CLCN5: variants seen among roughly 807,000 people sequenced by gnomAD.
CLCN5 encodes the protein H(+)/Cl(-) exchange transporter 5.
Under a neutral mutation model 54.0 loss-of-function variants are expected in CLCN5, and 17 were observed. The ratio of observed to expected loss-of-function variants is 0.31; its 90% CI spans 0.22 to 0.47. The LOEUF (loss-of-function observed/expected upper bound fraction) is 0.47, where lower values mean the gene tolerates loss of function less well. Among genes scored for constraint, CLCN5 ranks in the 20% least tolerant of loss-of-function variants. The probability of loss-of-function intolerance (pLI) is 1.00; values close to 1 mark genes in which losing one functional copy is unlikely to be tolerated. For missense variants in CLCN5, 448 were observed against 646.7 expected (o/e 0.69, Z 3.33); for synonymous variants, 222 against 233.0 (o/e 0.95, Z 0.43).
At position 50,081,823 on chromosome X, in the gene CLCN5, G is replaced by A. The variant is rs781910933; in HGVS notation, c.909G>A (p.Arg303=). The stretch of plus-strand genomic sequence containing the variant: ...TGTGCCACTGCTTCAACAAATACAG[G>A]AAGAATGAAGCCAAGCGCAGAGAGG... ...NILCHCFNKY[R]KNEAKRREVL... The change falls in exon 9 of 15, where the codon AGG becomes AGA. Residue 303 remains arginine, a synonymous_variant. Coordinates refer to ENST00000376091, the MANE Select transcript of CLCN5 (RefSeq NM_001127898.4). The A allele has an allele frequency of 5.0e-6, 6 of 1,210,534 alleles. No homozygotes were observed. The Admixed American group carries it at 1.1e-4, about 22-fold the overall frequency.
chrX:49,978,193 G>A (rs947607397), intron 3 of CLCN5, among the ~76,000 whole-genome samples: 1 of 111,661 alleles, frequency 9.0e-6, no homozygotes, highest in African/African-American at 3.3e-5. Context: ...GTCTCACAGG[G>A]CTGGGCACTT....
chrX:50,087,001 C>G (rs782633752), intron 11 of CLCN5, 131 bp downstream of exon 11: 3 of 612,066 alleles, frequency 4.9e-6, no homozygotes, highest in Non-Finnish European at 2.6e-6. Flanking sequence ...TCCCCCACCC[C>G]CAAAGCCTCT....
intron 3 of CLCN5, among the ~76,000 whole-genome samples, chrX:50,042,029 T>C (rs781802115): frequency 2.7e-4 from 30 of 112,197 alleles, no homozygotes; most frequent in Non-Finnish European, 4.3e-4. Context: ...TCACATATTG[T>C]GTGATTTCAT....
At position 50,092,453 on chromosome X, in the gene CLCN5, GAATA is replaced by G; in HGVS notation, c.*240_*243del. The stretch of plus-strand genomic sequence containing the variant: ...GTTACATTAGGAAGATATCATGAAA[GAATA>G]AATAAGATTGCTATGGTTTAATTAT... On this transcript the variant is annotated 3_prime_UTR_variant, in exon 15 of 15. Transcript: ENST00000376091. 2.6e-6 allele frequency: 1 copy of G among 384,172 alleles called. No homozygotes were observed. The highest frequency in any genetic ancestry group is 4.6e-6 in the Non-Finnish European group (1 of 219,680). 31.7% of individuals were successfully genotyped at this position (384,172 alleles called of 1,213,427 possible).
At chrX:50,067,256 C>T (rs1602107446) in intron 4 of CLCN5, among the ~76,000 whole-genome samples, 1 of 111,807 alleles carries the variant, frequency 8.9e-6, no homozygotes, top group East Asian at 2.8e-4. Context: ...AGACTACCCA[C>T]GTTGCTGCTA....
At chrX:50,027,589 G>T (rs1931473162) in intron 3 of CLCN5, among the ~76,000 whole-genome samples, 1 of 111,713 alleles carries the variant, frequency 9.0e-6, no homozygotes, top group African/African-American at 3.3e-5. Context: ...CCATCTCTCT[G>T]CTTACATTAC....
intron 11 of CLCN5, 84 bp downstream of exon 11, chrX:50,086,954 T>C (rs1933912446): frequency 4.5e-6 from 4 of 889,970 alleles, no homozygotes; most frequent in Non-Finnish European, 4.9e-6. Context: ...ACAATCCTGA[T>C]AGCTCATATG....
chrX:49,989,992 G>T (rs782271293), intron 3 of CLCN5, among the ~76,000 whole-genome samples: 3 of 111,621 alleles, frequency 2.7e-5, no homozygotes, highest in Non-Finnish European at 5.6e-5. Context: ...TATGTACTTA[G>T]TTTCAGGGTC....
At chrX:49,925,994 ATTG>A (rs1325213442) in intron 3 of CLCN5, among the ~76,000 whole-genome samples, 1 of 111,583 alleles carries the variant, frequency 9.0e-6, no homozygotes, top group Non-Finnish European at 1.9e-5. Flanking sequence ...TGGGATTTTT[ATTG>A]TTATCAAAAG....
At chrX:50,063,563 C>A (rs1346125635) in intron 4 of CLCN5, among the ~76,000 whole-genome samples, 14 of 107,184 alleles carry the variant, frequency 1.3e-4, no homozygotes, top group African/African-American at 4.0e-4. Context: ...GATTCACAGC[C>A]GAATTCTCCC....
intron 3 of CLCN5, among the ~76,000 whole-genome samples, chrX:49,929,045 C>G (rs1925501856): frequency 8.9e-6 from 1 of 111,892 alleles, no homozygotes; most frequent in African/African-American, 3.3e-5. Context: ...TTCCCTATTC[C>G]AGTATTCTTT....
At chrX:49,982,285 C>T (rs1557177769) in intron 3 of CLCN5, among the ~76,000 whole-genome samples, 3 of 109,832 alleles carry the variant, frequency 2.7e-5, no homozygotes, top group Non-Finnish European at 3.8e-5. Context: ...TCATATAAAA[C>T]CAGACTGAAG....
At chrX:49,983,175 C>T (rs1157293506) in intron 3 of CLCN5, among the ~76,000 whole-genome samples, 1 of 111,806 alleles carries the variant, frequency 8.9e-6, no homozygotes, top group African/African-American at 3.2e-5. Flanking sequence ...CTGTGAGGAA[C>T]ATCTTTTGTA....
At chrX:49,950,469 A>G (rs1484726707) in intron 3 of CLCN5, among the ~76,000 whole-genome samples, 1 of 111,458 alleles carries the variant, frequency 9.0e-6, no homozygotes, top group African/African-American at 3.3e-5. Context: ...TTAAACCTCA[A>G]TATAGTTCTA....
chrX:49,961,852 T>G (rs1214432941), intron 3 of CLCN5, among the ~76,000 whole-genome samples: 2 of 112,170 alleles, frequency 1.8e-5, no homozygotes, highest in Non-Finnish European at 1.9e-5. Context: ...CGAAATCATT[T>G]CTTCCTGCTC....
chrX:49,945,922 A>G (rs1404789823), intron 3 of CLCN5, among the ~76,000 whole-genome samples: 4 of 104,670 alleles, frequency 3.8e-5, no homozygotes, highest in Non-Finnish European at 7.8e-5. Context: ...ACGCCTGGCT[A>G]ATTTTTTGTA....
In CLCN5 at chrX:50,042,845, T is replaced by C. The variant is rs1414154353; in HGVS notation, c.163+383T>C. 2.7e-5 allele frequency among the ~76,000 whole-genome samples: 3 copies of C among 112,107 alleles called. No individual in the cohort carries two copies. The East Asian group carries it at 8.4e-4, about 31-fold the overall frequency. On this transcript the variant is annotated intron_variant, in intron 4 of 14. Transcript: ENST00000376091. ...TTGTTCATTTCTTCTTCTTGCTGAG[T>C]AGTATACCCAGGAGTAGGATCACTT... is the stretch of plus-strand genomic sequence containing the variant.
At chrX:49,946,157 A>G (rs1488698539) in intron 3 of CLCN5, among the ~76,000 whole-genome samples, 3 of 112,374 alleles carry the variant, frequency 2.7e-5, no homozygotes, top group Non-Finnish European at 5.6e-5. Flanking sequence ...TTATTATCAC[A>G]TATTTTTCAT....
chrX:49,925,456 C>A, intron 3 of CLCN5, 142 bp downstream of exon 3: 1 of 581,656 alleles, frequency 1.7e-6, no homozygotes, highest in Non-Finnish European at 2.8e-6. Context: ...GGACAAAACA[C>A]ATTAGTTTAA....
Sources: gnomAD v4.1 joint callset for allele counts (sites outside exome capture counted in the v4.1 genomes callset) on GRCh38, gnomAD v4.1.1 for gene constraint, MANE v1.5 for transcripts, NCBI Gene and HGNC (gene_info 2026-07-23, HGNC 2026-07-21) for gene names.